The following DNAAF8 variants were observed in gnomAD, a reference collection of about 807,000 sequenced individuals.
The protein encoded by DNAAF8 is dynein axonemal assembly factor 8.
In DNAAF8, 61 loss-of-function variants were observed where a neutral mutation model predicts 54.6. That is an observed-to-expected ratio of 1.12 (90% CI 0.91 to 1.38). The LOEUF is 1.38. Ranked by LOEUF, DNAAF8 falls within the 40% of genes most tolerant of loss-of-function variation. The probability of loss-of-function intolerance (pLI) is 0.00; values close to 1 mark genes in which losing one functional copy is unlikely to be tolerated. For synonymous variants in DNAAF8, 320 were observed against 270.1 expected (o/e 1.18, Z -1.81); for missense variants, 837 against 665.0 (o/e 1.26, Z -2.85).
chr16:4,749,349 C>T lies in DNAAF8; in HGVS notation c.*634C>T, dbSNP rs929135862. 1 of 154,452 alleles carries T rather than the reference C, an allele frequency of 6.5e-6. No homozygotes were observed. The highest frequency in any genetic ancestry group is 6.5e-5 in the Admixed American group (1 of 15,298). The allele number at this position is 154,452 out of a possible 1,614,324, so 9.6% of individuals were successfully genotyped here. The stretch of plus-strand genomic sequence containing the variant: ...CACCTTTTTAATGCCAGTAACCTCA[C>T]TGAGAATGTTTTACAGTGATGGAAA... On this transcript the variant is annotated 3_prime_UTR_variant, in exon 10 of 10. Transcript: ENST00000299320.
chr16:4,748,828 TG>T lies in DNAAF8; in HGVS notation c.*116del, dbSNP rs2082050749. ...GCAGCACAGTAGGGCGCCGGGCCTTTGGGACAGTGTCCCAGCTTCCCCTGGG... is the reference window on the plus strand; with the variant it reads ...GCAGCACAGTAGGGCGCCGGGCCTTTGGACAGTGTCCCAGCTTCCCCTGGG... On this transcript the variant is annotated 3_prime_UTR_variant, in exon 10 of 10. Coordinates refer to ENST00000299320, the MANE Select transcript of DNAAF8 (RefSeq NM_139170.3). 6.6e-6 allele frequency: 1 copy of T among 152,338 alleles called. No homozygotes were observed. Among genetic ancestry groups the T allele is most frequent in the Admixed American group, 6.5e-5 (1 of 15,290 alleles). The allele number at this position is 152,338 out of a possible 1,614,324, so 9.4% of individuals were successfully genotyped here. A position where few individuals can be genotyped will look rare whatever the true frequency, so the allele number is the denominator to read the frequency against.
intron 7 of DNAAF8, 157 bp downstream of exon 7, chr16:4,746,669 G>A: frequency 1.9e-6 from 2 of 1,079,370 alleles, no homozygotes; most frequent in South Asian, 1.7e-5. Context: ...AGTCCCCCTG[G>A]GTCCCTGCAG....
At chr16:4,737,667 A>AGGGCTGGAC (rs1269109562) in intron 2 of DNAAF8, 133 bp from the exon 3 acceptor site, 24 of 1,127,464 alleles carry the variant, frequency 2.1e-5, no homozygotes, top group African/African-American at 6.3e-5. Context: ...CCTGAGCAGC[A>AGGGCTGGAC]GGGCTGGACG....
chr16:4,746,732 G>A, intron 7 of DNAAF8, 195 bp from the exon 8 acceptor site: 1 of 763,226 alleles, frequency 1.3e-6, no homozygotes, highest in Non-Finnish European at 2.0e-6. Flanking sequence ...CTATGCAATA[G>A]AGCCCAACAC....
intron 4 of DNAAF8, 76 bp from the exon 5 acceptor site, chr16:4,742,967 C>CAGCAGCTGTGA: frequency 8.5e-7 from 1 of 1,182,028 alleles, no homozygotes; most frequent in African/African-American, 1.5e-5. Flanking sequence ...CCATGGGTCA[C>CAGCAGCTGTGA]AGCAGCTGTG....
chr16:4,744,909 A>G lies in DNAAF8; in HGVS notation c.941A>G (p.Gln314Arg). Reference sequence around the variant, plus strand: ...AGCGCCCACAACAGGCTCATGGAACAGCTGGCCCTCCTGTGCACCACGCAG... The same window carrying G: ...AGCGCCCACAACAGGCTCATGGAACGGCTGGCCCTCCTGTGCACCACGCAG... ...VPSAHNRLME[Q>R]LALLCTTQSK... The change falls in exon 6 of 10, where the codon CAG becomes CGG. Residue 314 changes from glutamine (Q) to arginine (R), a missense_variant. By Grantham distance (43) the Gln-to-Arg change is conservative. Transcript: ENST00000299320. 1 of 1,613,928 alleles carries G rather than the reference A, an allele frequency of 6.2e-7. No individual in the cohort carries two copies. Among genetic ancestry groups the G allele is most frequent in the Non-Finnish European group, 8.5e-7 (1 of 1,179,998 alleles).
chr16:4,736,665 G>A, intron 2 of DNAAF8, 22 bp downstream of exon 2: 1 of 1,536,958 alleles, frequency 6.5e-7, no homozygotes, highest in Non-Finnish European at 8.8e-7. Context: ...CTCTCTCCCT[G>A]GATGCCTTGT....
rs780173533 is a variant in DNAAF8 at position 4,740,467 on chromosome 16, G to A, written c.591G>A (p.Arg197=). 2.5e-6 allele frequency: 4 copies of A among 1,614,004 alleles called. No homozygotes were observed. The Admixed American group carries it at 5.0e-5, about 20-fold the overall frequency. Residue 197 remains arginine, a synonymous_variant, in exon 4 of 10, where the codon CGG becomes CGA. Transcript: ENST00000299320. Reference sequence around the variant, plus strand: ...CCTCACAAGAATCTGTGAACCGCCGGGCCCTCCGACAGGAGAGAAGGAAGA... The same window carrying A: ...CCTCACAAGAATCTGTGAACCGCCGAGCCCTCCGACAGGAGAGAAGGAAGA... ...STASQESVNR[R]ALRQERRKMI... is the part of the protein sequence containing the mutation.
chr16:4,746,647 G>A (rs2082020973), intron 7 of DNAAF8, 135 bp downstream of exon 7: 2 of 1,242,166 alleles, frequency 1.6e-6, no homozygotes, highest in Non-Finnish European at 2.2e-6. Flanking sequence ...CAATTGAAAA[G>A]TGCTGGCCTA....
chr16:4,745,033 G>A (rs1012954123), intron 6 of DNAAF8, 22 bp downstream of exon 6: 14 of 1,608,206 alleles, frequency 8.7e-6, no homozygotes, highest in Admixed American at 1.7e-5. Flanking sequence ...AGCCAGGCCC[G>A]GCTCCTGTGG....
chr16:4,743,177 T>C lies in DNAAF8; in HGVS notation c.901+17T>C, dbSNP rs746758744. The stretch of plus-strand genomic sequence containing the variant: ...AAGTTCAAGGTCTGACCTTGAACAC[T>C]GGAGCCCACGTGAATCCCCACAAGC... On this transcript the variant is annotated intron_variant, in intron 5 of 9. Coordinates refer to ENST00000299320, the MANE Select transcript of DNAAF8 (RefSeq NM_139170.3). The C allele has an allele frequency of 6.5e-7, 1 of 1,528,776 alleles. No individual in the cohort carries two copies. The highest frequency in any genetic ancestry group is 8.9e-7 in the Non-Finnish European group (1 of 1,117,504). The allele number at this position is 1,528,776 out of a possible 1,614,324, so 94.7% of individuals were successfully genotyped here. A position where few individuals can be genotyped will look rare whatever the true frequency, so the allele number is the denominator to read the frequency against.
At chr16:4,745,457 A>C (rs1304991413) in intron 6 of DNAAF8, among the ~76,000 whole-genome samples, 4 of 152,198 alleles carry the variant, frequency 2.6e-5, no homozygotes, top group Admixed American at 6.5e-5. Context: ...GTCCTGCCAC[A>C]GGGAGAAAGG....
intron 5 of DNAAF8, chr16:4,743,738 C>T (rs899542343): frequency 2.0e-5 from 3 of 152,298 alleles, no homozygotes; most frequent in Non-Finnish European, 4.4e-5. Context: ...CCTCTGGTCC[C>T]AAAGCAAAGA....
At chr16:4,748,155 G>C (rs983336070) in intron 9 of DNAAF8, 2 of 151,648 alleles carry the variant, frequency 1.3e-5, no homozygotes, top group Non-Finnish European at 2.9e-5. Flanking sequence ...TAATACACGT[G>C]GTTTTTTCTC....
Position 4,744,956 on chromosome 16 carries a change from C to T in DNAAF8, c.988C>T (p.Arg330Trp), listed in dbSNP as rs61231109. 4,964 of 1,613,896 alleles carry T rather than the reference C, an allele frequency of 3.1e-3. 138 individuals are homozygous for T. In the African/African-American group the frequency reaches 0.06, roughly 19 times the overall value. ...TTQSKASACA[R>W]KVPADTPQDT... ...GCAGTCCAAGGCCTCTGCTTGTGCCCGGAAGGTGCCTGCCGACACTCCCCA... is the reference window on the plus strand; with the variant it reads ...GCAGTCCAAGGCCTCTGCTTGTGCCTGGAAGGTGCCTGCCGACACTCCCCA... Residue 330 changes from arginine (R) to tryptophan (W), a missense_variant, in exon 6 of 10, where the codon CGG (arginine) becomes TGG (tryptophan). By Grantham distance (101) the Arg-to-Trp change is moderately radical. Transcript: ENST00000299320.
In DNAAF8 at chr16:4,747,503, C is replaced by T. The variant is rs943343341; in HGVS notation, c.1441C>T (p.Leu481Phe). ...AACTGGGAGGAAGCAACACATGAAG[C>T]TCTGTGCCAAGGGGCAGAGCGCCCA... ...SRTGRKQHMK[L>F]CAKGQSAQAR... The change falls in exon 9 of 10, where the codon CTC becomes TTC. Residue 481 changes from leucine to phenylalanine, a missense_variant. Physicochemically the swap from Leu to Phe is conservative, Grantham distance 22. Coordinates refer to ENST00000299320, the MANE Select transcript of DNAAF8 (RefSeq NM_139170.3). 3.7e-6 allele frequency: 6 copies of T among 1,613,192 alleles called. No homozygotes were observed. The highest frequency in any genetic ancestry group is 5.1e-6 in the Non-Finnish European group (6 of 1,179,982).
intron 1 of DNAAF8, chr16:4,735,134 T>C (rs879825000): frequency 5.9e-5 from 9 of 152,338 alleles, no homozygotes; most frequent in Admixed American, 5.2e-4. Context: ...TTCATTCCTT[T>C]GAGCTACTGT....
rs376028854 is a variant in DNAAF8 at position 4,740,288 on chromosome 16, G to C, written c.412G>C (p.Gly138Arg). Reference protein sequence around the residue: ...ESSGEVSALLGMAEEPPRWLE... With the variant: ...ESSGEVSALLRMAEEPPRWLE... Reference sequence around the variant, plus strand: ...CTCTGGTGAGGTCAGCGCTCTTCTTGGGATGGCCGAGGAGCCCCCCAGGTG... The same window carrying C: ...CTCTGGTGAGGTCAGCGCTCTTCTTCGGATGGCCGAGGAGCCCCCCAGGTG... The change falls in exon 4 of 10, where the codon GGG (glycine) becomes CGG (arginine). Residue 138 changes from glycine to arginine, a missense_variant. Gly to Arg is a moderately radical substitution (Grantham distance 125). Coordinates refer to ENST00000299320, the MANE Select transcript of DNAAF8 (RefSeq NM_139170.3). The C allele has an allele frequency of 6.2e-7, 1 of 1,613,856 alleles. No individual in the cohort carries two copies. The highest frequency in any genetic ancestry group is 1.3e-5 in the African/African-American group (1 of 74,868).
At position 4,743,109 on chromosome 16, in the gene DNAAF8, A is replaced by G; in HGVS notation, c.850A>G (p.Asn284Asp). ...GGCGGGACAAGAAGACAACCAGGGA[A>G]ATCGTGCACCTGGAACTGTGTGGTG... The part of the protein sequence containing the change: ...SLAGQEDNQG[N>D]RAPGTVWWAA... Residue 284 changes from asparagine (N) to aspartate (D), a missense_variant, in exon 5 of 10, where the codon AAT becomes GAT. By Grantham distance (23) the Asn-to-Asp change is conservative. Transcript: ENST00000299320. 1 of 1,612,700 alleles carries G rather than the reference A, an allele frequency of 6.2e-7. No homozygotes were observed. The highest frequency in any genetic ancestry group is 8.5e-7 in the Non-Finnish European group (1 of 1,179,330).
Sources: gnomAD v4.1 joint callset for allele counts (sites outside exome capture counted in the v4.1 genomes callset) on GRCh38, gnomAD v4.1.1 for gene constraint, MANE v1.5 for transcripts, NCBI Gene and HGNC (gene_info 2026-07-23, HGNC 2026-07-21) for gene names.